Variants in ARHGEF11 observed in about 807,000 individuals in gnomAD.
The protein encoded by ARHGEF11 is Rho guanine exchange factor (GEF) 11.
In ARHGEF11, 55 loss-of-function variants were observed where a neutral mutation model predicts 193.7. The ratio of observed to expected loss-of-function variants is 0.28; its 90% confidence interval spans 0.23 to 0.36. The LOEUF (loss-of-function observed/expected upper bound fraction) is 0.36, where lower values mean the gene tolerates loss of function less well. Among genes scored for constraint, ARHGEF11 ranks in the 10% least tolerant of loss-of-function variants. The pLI, the probability that ARHGEF11 is intolerant of heterozygous loss-of-function variation, is 1.00. For missense variants in ARHGEF11, 1,723 were observed against 2,005.6 expected, an observed-to-expected ratio of 0.86 and a Z score of 2.69; for synonymous variants, 693 against 768.0, an observed-to-expected ratio of 0.90 and a Z score of 1.62.
intron 3 of ARHGEF11, 26 bp downstream of exon 3, chr1:156,984,313 G>T: frequency 2.6e-6 from 4 of 1,549,192 alleles, no homozygotes; most frequent in Non-Finnish European, 3.5e-6. Flanking sequence ...ACTGTCCACC[G>T]TGGGCAGGAG....
intron 37 of ARHGEF11, 78 bp from the exon 38 acceptor site, chr1:156,938,591 G>A: frequency 7.1e-7 from 1 of 1,402,684 alleles, no homozygotes; most frequent in Non-Finnish European, 1.0e-6. Context: ...ACAGGAAGGA[G>A]AGAGGGCAGG....
At position 156,935,579 on chromosome 1, in the gene ARHGEF11, C is replaced by T. The variant is rs533839948; in HGVS notation, c.*421G>A. On this transcript the variant is annotated 3_prime_UTR_variant, in exon 41 of 41. Coordinates refer to ENST00000368194, the MANE Select transcript of ARHGEF11 (RefSeq NM_198236.3). Reference sequence around the variant, plus strand: ...GTGACAAAGAGGGGAGGGGAGGCACCCACCTCTGCCTGGGGTCTTATGGAG... The same window carrying T: ...GTGACAAAGAGGGGAGGGGAGGCACTCACCTCTGCCTGGGGTCTTATGGAG... The T allele has an allele frequency of 8.3e-5, 14 of 167,884 alleles. No individual in the cohort carries two copies. The East Asian group carries it at 1.6e-3, about 20-fold the overall frequency. The allele number at this position is 167,884 out of a possible 1,614,324, so 10.4% of individuals were successfully genotyped here.
chr1:157,044,406 T>C lies in ARHGEF11; in HGVS notation c.-76A>G, dbSNP rs962623661. 67 of 1,492,332 alleles carry C rather than the reference T, an allele frequency of 4.5e-5. No individual in the cohort carries two copies. Among genetic ancestry groups the C allele is most frequent in the Admixed American group, 8.5e-5 (5 of 58,878 alleles). 92.4% of individuals were successfully genotyped at this position (1,492,332 alleles called of 1,614,324 possible). On this transcript the variant is annotated 5_prime_UTR_variant, in exon 1 of 41. Coordinates refer to ENST00000368194, the MANE Select transcript of ARHGEF11 (RefSeq NM_198236.3). ...ATCAGGATTGAATCGCTTGCAATTT[T>C]TGAGCAAGGTGAGAGGAGGGCCTCC...
intron 5 of ARHGEF11, among the ~76,000 whole-genome samples, chr1:156,979,002 A>C (rs1663686469): frequency 1.3e-5 from 2 of 152,202 alleles, no homozygotes; most frequent in Admixed American, 1.3e-4. Context: ...TGTGGGTAAA[A>C]ATGAAGATGT....
In ARHGEF11 at chr1:156,960,323, C is replaced by T. The variant is rs1349459324; in HGVS notation, c.1282+95G>A. ...CTATTACAGGACGGTTGCCCAAGGA[C>T]AGGGACTATGTCCCTTCTGTCCTCT... On this transcript the variant is annotated intron_variant, in intron 15 of 40. Transcript: ENST00000368194. The T allele has an allele frequency of 2.4e-6, 3 of 1,248,640 alleles. No homozygotes were observed. In the East Asian group the frequency reaches 6.9e-5, roughly 29 times the overall value. The allele number at this position is 1,248,640 out of a possible 1,614,324, so 77.3% of individuals were successfully genotyped here.
intron 1 of ARHGEF11, among the ~76,000 whole-genome samples, chr1:157,000,536 A>G (rs1019237039): frequency 3.9e-5 from 6 of 152,212 alleles, no homozygotes; most frequent in African/African-American, 1.4e-4. Context: ...AAAGTGTGTC[A>G]TTTGGCCCAG....
At chr1:157,031,527 C>T (rs1012092969) in intron 1 of ARHGEF11, among the ~76,000 whole-genome samples, 3 of 152,194 alleles carry the variant, frequency 2.0e-5, no homozygotes, top group African/African-American at 2.4e-5. Context: ...TACCACTATC[C>T]TCGGACCCAC....
chr1:156,939,414 C>T, intron 37 of ARHGEF11, 134 bp downstream of exon 37: 1 of 1,280,934 alleles, frequency 7.8e-7, no homozygotes, highest in Non-Finnish European at 1.1e-6. Flanking sequence ...TTGTCTCCTT[C>T]TTCCAGGACC....
intron 1 of ARHGEF11, among the ~76,000 whole-genome samples, chr1:157,042,799 G>C (rs1331653866): frequency 6.6e-6 from 1 of 152,106 alleles, no homozygotes; most frequent in Non-Finnish European, 1.5e-5. Context: ...GCATTTACCA[G>C]AAAGAGTTCA....
At chr1:156,944,589 A>C (rs183764432) in intron 30 of ARHGEF11, among the ~76,000 whole-genome samples, 156 bp from the exon 31 acceptor site, 1 of 152,200 alleles carries the variant, frequency 6.6e-6, no homozygotes, top group South Asian at 2.1e-4. Flanking sequence ...GAAGACAAGC[A>C]AAAAGGTAAC....
intron 1 of ARHGEF11, among the ~76,000 whole-genome samples, chr1:156,995,224 A>G: frequency 6.6e-6 from 1 of 152,240 alleles, no homozygotes; most frequent in East Asian, 1.9e-4. Context: ...GAGAGAAATT[A>G]GAGGATATAC....
chr1:156,994,937 T>C (rs533453487), intron 1 of ARHGEF11, among the ~76,000 whole-genome samples: 1 of 152,336 alleles, frequency 6.6e-6, no homozygotes, highest in Admixed American at 6.5e-5. Context: ...TCCCCAGCCC[T>C]GCTCCTGATC....
At chr1:156,955,626 G>A in intron 20 of ARHGEF11, 77 bp downstream of exon 20, 1 of 1,176,174 alleles carries the variant, frequency 8.5e-7, no homozygotes, top group East Asian at 2.3e-5. Context: ...AAGGCCCTCT[G>A]CCAACATACT....
rs1351404035 is a variant in ARHGEF11, at chr1:156,946,045, CCT to C, written c.2810_2811del (p.Glu937GlyfsTer5). 3.1e-6 allele frequency: 5 copies of C among 1,611,946 alleles called. No homozygotes were observed. The highest frequency in any genetic ancestry group is 4.2e-6 in the Non-Finnish European group (5 of 1,178,802). ...LLLESIIKHT[E>X]GGTSEHEKLC... ...ATGCCAGCCCCTCCCCAGGTGCTAC[CCT>C]CTGTGTGCTTGATGATGCTCTCCAG... On this transcript the variant is annotated frameshift_variant and splice_region_variant, in exon 29 of 41. Coordinates refer to ENST00000368194, the MANE Select transcript of ARHGEF11 (RefSeq NM_198236.3). LOFTEE classifies it high-confidence loss of function.
At position 156,948,714 on chromosome 1, in the gene ARHGEF11, C is replaced by A. The variant is rs562733039; in HGVS notation, c.1926-216G>T. ...ACTCCTCCTCTCTCCCCAGCCTAGCCTGATGGATGGACAGTCATCTTCCTC... is the reference window on the plus strand; with the variant it reads ...ACTCCTCCTCTCTCCCCAGCCTAGCATGATGGATGGACAGTCATCTTCCTC... On this transcript the variant is annotated intron_variant, in intron 22 of 40. Coordinates refer to ENST00000368194, the MANE Select transcript of ARHGEF11 (RefSeq NM_198236.3). The surrounding 1 kb of genome is among the most constrained non-coding windows in gnomAD (Gnocchi z 4.2). The A allele has an allele frequency of 4.7e-5, 71 of 1,511,204 alleles. 1 individual carries two copies. The Admixed American group carries it at 1.4e-3, about 29-fold the overall frequency. 93.6% of individuals were successfully genotyped at this position (1,511,204 alleles called of 1,614,324 possible).
chr1:156,951,287 C>T (rs781781280), intron 22 of ARHGEF11, among the ~76,000 whole-genome samples: 7 of 152,128 alleles, frequency 4.6e-5, no homozygotes, highest in African/African-American at 7.2e-5. Flanking sequence ...TCACCTAGCT[C>T]GATCTTGGAT....
At chr1:157,035,596 G>A (rs1671822948) in intron 1 of ARHGEF11, among the ~76,000 whole-genome samples, 1 of 151,302 alleles carries the variant, frequency 6.6e-6, no homozygotes, top group Admixed American at 6.6e-5. Context: ...GTAGAGACGG[G>A]GTTTCTCCAT....
intron 32 of ARHGEF11, 90 bp from the exon 33 acceptor site, chr1:156,942,870 G>A: frequency 1.9e-6 from 2 of 1,067,072 alleles, no homozygotes; most frequent in Non-Finnish European, 2.9e-6. Context: ...GGGACTCAAA[G>A]CCCTGACCCT....
chr1:156,957,645 T>G, intron 18 of ARHGEF11, 147 bp downstream of exon 18: 1 of 836,660 alleles, frequency 1.2e-6, no homozygotes, highest in Non-Finnish European at 2.0e-6. Context: ...TACAGACACC[T>G]GAGTGCTAGA....
Sources: gnomAD v4.1 joint callset for allele counts (sites outside exome capture counted in the v4.1 genomes callset) on GRCh38, gnomAD v4.1.1 for gene constraint, Gnocchi (gnomAD v3.1) non-coding constraint, MANE v1.5 for transcripts, NCBI Gene and HGNC (gene_info 2026-07-23, HGNC 2026-07-21) for gene names.